TOX: variants seen among roughly 807,000 people sequenced by gnomAD.
The protein encoded by TOX is thymocyte selection-associated high mobility group box protein TOX.
In TOX, 11 loss-of-function variants were observed where a neutral mutation model predicts 53.7. The ratio of observed to expected loss-of-function variants is 0.20; its 90% CI spans 0.13 to 0.34. The LOEUF (loss-of-function observed/expected upper bound fraction) is 0.34, where lower values mean the gene tolerates loss of function less well. Ranked by LOEUF, TOX falls within the 10% of genes least tolerant of loss-of-function variation. The pLI is 1.00. For synonymous variants in TOX, 225 were observed against 245.3 expected (o/e 0.92, Z 0.77); for missense variants, 570 against 664.6 (o/e 0.86, Z 1.56).
intron 3 of TOX, among the ~76,000 whole-genome samples, chr8:58,896,708 A>G (rs1044066053): frequency 2.6e-4 from 40 of 150,992 alleles, no homozygotes; most frequent in African/African-American, 9.6e-4. Context: ...ATAAAATAAA[A>G]TAAAAACAAA....
At position 58,838,102 on chromosome 8, in the gene TOX, A is replaced by G; in HGVS notation, c.903T>C (p.Gly301=). Residue 301 remains glycine (G), a synonymous_variant, in exon 5 of 9, where the codon GGT becomes GGC. Coordinates refer to ENST00000361421, the MANE Select transcript of TOX (RefSeq NM_014729.3). ...VSKIVASMWD[G]LGEEQKQVYK... ...TTACCTGTTTTTGCTCTTCTCCTAA[A>G]CCGTCCCACATTGAAGCCACAATTT... 1 of 1,614,094 alleles carries G rather than the reference A, an allele frequency of 6.2e-7. No individual in the cohort carries two copies. Among genetic ancestry groups the G allele is most frequent in the South Asian group, 1.1e-5 (1 of 91,072 alleles).
chr8:58,875,551 T>G (rs890384903), intron 3 of TOX, among the ~76,000 whole-genome samples: 3 of 152,176 alleles, frequency 2.0e-5, no homozygotes, highest in African/African-American at 7.2e-5. Context: ...AGAAAAACAA[T>G]CTAAAAAGAG....
At chr8:59,112,615 G>C (rs908911630) in intron 1 of TOX, among the ~76,000 whole-genome samples, 6 of 152,082 alleles carry the variant, frequency 3.9e-5, no homozygotes, top group African/African-American at 1.4e-4. Context: ...CTCTGAGGTG[G>C]AAGTAAATGA....
intron 3 of TOX, among the ~76,000 whole-genome samples, chr8:58,914,844 C>A (rs563058558): frequency 6.6e-6 from 1 of 151,642 alleles, no homozygotes; most frequent in African/African-American, 2.4e-5. Flanking sequence ...AGTGTGTGCG[C>A]GCACCGTGCG....
At chr8:58,839,267 CTAGAGT>C (rs1357866474) in intron 4 of TOX, among the ~76,000 whole-genome samples, 1 of 152,180 alleles carries the variant, frequency 6.6e-6, no homozygotes, top group Non-Finnish European at 1.5e-5. Context: ...TGAAATGTGG[CTAGAGT>C]TAATCAGGAG....
At chr8:59,114,180 A>G (rs1202965055) in intron 1 of TOX, among the ~76,000 whole-genome samples, 1 of 152,230 alleles carries the variant, frequency 6.6e-6, no homozygotes, top group African/African-American at 2.4e-5. Flanking sequence ...TCAATTAGAT[A>G]TTTACATATT....
At chr8:58,903,777 A>C (rs912475774) in intron 3 of TOX, among the ~76,000 whole-genome samples, 1 of 152,202 alleles carries the variant, frequency 6.6e-6, no homozygotes, top group African/African-American at 2.4e-5. Context: ...ATGAGTTAAC[A>C]TATATCCAGG....
At chr8:58,827,466 A>T (rs560272212) in intron 5 of TOX, among the ~76,000 whole-genome samples, 1 of 152,194 alleles carries the variant, frequency 6.6e-6, no homozygotes, top group African/African-American at 2.4e-5. Context: ...GATGGTGATT[A>T]AGGACACGTT....
chr8:59,007,631 G>A (rs1335972991), intron 1 of TOX, among the ~76,000 whole-genome samples: 1 of 152,110 alleles, frequency 6.6e-6, no homozygotes, highest in Admixed American at 6.5e-5. Flanking sequence ...CAACAATGGA[G>A]CTGTTTCCAA....
intron 1 of TOX, among the ~76,000 whole-genome samples, chr8:58,963,943 A>G (rs1812845731): frequency 6.6e-6 from 1 of 152,204 alleles, no homozygotes; most frequent in African/African-American, 2.4e-5. Context: ...TTATCTTTCT[A>G]GAGAAGGTGG....
chr8:58,960,919 T>C (rs1812787342), intron 1 of TOX, among the ~76,000 whole-genome samples: 1 of 152,200 alleles, frequency 6.6e-6, no homozygotes, highest in African/African-American at 2.4e-5. Flanking sequence ...AATAATCAAA[T>C]GGATGAACAC....
intron 1 of TOX, among the ~76,000 whole-genome samples, chr8:59,016,131 A>G (rs1814005236): frequency 6.6e-6 from 1 of 152,134 alleles, no homozygotes; most frequent in African/African-American, 2.4e-5. Flanking sequence ...AAAAAAAATC[A>G]TTTTTTATAA....
At chr8:58,888,450 G>A (rs974337031) in intron 3 of TOX, among the ~76,000 whole-genome samples, 2 of 152,116 alleles carry the variant, frequency 1.3e-5, no homozygotes, top group African/African-American at 4.8e-5. Flanking sequence ...TTGAAGAAAA[G>A]AACTCAATAT....
chr8:59,041,922 G>C (rs1276482228), intron 1 of TOX, among the ~76,000 whole-genome samples: 1 of 152,104 alleles, frequency 6.6e-6, no homozygotes, highest in Non-Finnish European at 1.5e-5. Context: ...TAATTCCTGA[G>C]TTATGTTATG....
intron 1 of TOX, among the ~76,000 whole-genome samples, chr8:58,974,507 A>G (rs1051980836): frequency 6.6e-6 from 1 of 152,180 alleles, no homozygotes; most frequent in African/African-American, 2.4e-5. Context: ...ATGTGCTATA[A>G]TTACCCAACT....
intron 3 of TOX, among the ~76,000 whole-genome samples, chr8:58,894,016 C>T (rs1037123965): frequency 6.6e-6 from 1 of 152,242 alleles, no homozygotes; most frequent in Admixed American, 6.5e-5. Context: ...ATATAAAAAC[C>T]GTTTCCAAGT....
intron 3 of TOX, among the ~76,000 whole-genome samples, chr8:58,875,959 T>C (rs957421759): frequency 2.0e-5 from 3 of 152,346 alleles, no homozygotes; most frequent in Middle Eastern, 3.4e-3. Flanking sequence ...GTTGTAATTG[T>C]TGCTTAAGAC....
rs186895188 is a variant in TOX at position 58,844,988 on chromosome 8, C to A, written c.693+6536G>T. The stretch of plus-strand genomic sequence containing the variant: ...AGAGATGTATTTAACTTATTTATCA[C>A]AAGAAAACAATAATCTTTCACTTTA... On this transcript the variant is annotated intron_variant, in intron 4 of 8. Transcript: ENST00000361421. Among the ~76,000 whole-genome samples the A allele has an allele frequency of 2.4e-4, 37 of 152,156 alleles. 1 individual carries two copies. The highest frequency in any genetic ancestry group is 2.2e-3 in the Admixed American group (33 of 15,260).
chr8:59,091,849 C>T (rs1301201064), intron 1 of TOX, among the ~76,000 whole-genome samples: 1 of 152,158 alleles, frequency 6.6e-6, no homozygotes, highest in Non-Finnish European at 1.5e-5. Flanking sequence ...TCTCCAGTCA[C>T]CTTCATCTAG....
Sources: allele counts gnomAD v4.1 joint callset (sites outside exome capture counted in the v4.1 genomes callset), GRCh38; gene constraint gnomAD v4.1.1; transcripts MANE v1.5; gene names NCBI Gene and HGNC (gene_info 2026-07-23, HGNC 2026-07-21).